WDPCP: variants seen among roughly 807,000 people sequenced by gnomAD.
WDPCP encodes the protein WD repeat containing planar cell polarity effector.
WDPCP carries 71 observed loss-of-function variants against 93.1 expected under a neutral mutation model. That is an observed-to-expected ratio of 0.76 (90% CI 0.63 to 0.93). The LOEUF is 0.93. Among genes scored for constraint, WDPCP ranks in the 40% least tolerant of loss-of-function variants. The probability of loss-of-function intolerance (pLI) is 0.00; values close to 1 mark genes in which losing one functional copy is unlikely to be tolerated. For missense variants in WDPCP, 844 were observed against 887.4 expected (o/e 0.95, Z 0.62); for synonymous variants, 315 against 315.0 (o/e 1.00, Z 0.00).
chr2:63,557,240 A>G (rs1706199494), intron 1 of WDPCP, among the ~76,000 whole-genome samples: 1 of 152,320 alleles, frequency 6.6e-6, no homozygotes, highest in East Asian at 1.9e-4. Flanking sequence ...TCAAGACCCC[A>G]ACAGTGTGCT....
At chr2:63,242,847 A>G (rs1242633157) in intron 14 of WDPCP, among the ~76,000 whole-genome samples, 1 of 152,158 alleles carries the variant, frequency 6.6e-6, no homozygotes, top group Non-Finnish European at 1.5e-5. Context: ...AGATAGGACT[A>G]TGCCTGCCTC....
chr2:63,189,450 A>G (rs59398228), intron 14 of WDPCP, among the ~76,000 whole-genome samples: 27 of 152,308 alleles, frequency 1.8e-4, no homozygotes, highest in African/African-American at 5.5e-4. Context: ...TCACAAAGCT[A>G]TTTTTATGTA....
At chr2:63,514,283 G>A (rs938678696) in intron 1 of WDPCP, among the ~76,000 whole-genome samples, 1 of 152,002 alleles carries the variant, frequency 6.6e-6, no homozygotes, top group Admixed American at 6.6e-5. Flanking sequence ...CTCCTACCAA[G>A]TTCACTCAGA....
chr2:63,307,835 A>T (rs969274895), intron 13 of WDPCP, among the ~76,000 whole-genome samples: 2 of 152,228 alleles, frequency 1.3e-5, no homozygotes, highest in Non-Finnish European at 2.9e-5. Context: ...CATGACTAAA[A>T]CATCAAAAGC....
intron 17 of WDPCP, among the ~76,000 whole-genome samples, chr2:63,145,659 G>C (rs1671444505): frequency 6.6e-6 from 1 of 152,152 alleles, no homozygotes; most frequent in Admixed American, 6.5e-5. Flanking sequence ...TGATGGGCTT[G>C]AAAACTTGTC....
intron 6 of WDPCP, among the ~76,000 whole-genome samples, chr2:63,448,967 G>T (rs964461552): frequency 2.0e-5 from 3 of 152,008 alleles, no homozygotes; most frequent in Non-Finnish European, 4.4e-5. Context: ...TAATAATAAT[G>T]TGTTGTATAT....
chr2:63,420,989 TC>T (rs1695817022), intron 9 of WDPCP, among the ~76,000 whole-genome samples: 3 of 152,226 alleles, frequency 2.0e-5, no homozygotes, highest in African/African-American at 7.2e-5. Context: ...TGTAGGACAC[TC>T]ACCTTCAATT....
At chr2:63,525,243 T>A (rs1351558354) in intron 1 of WDPCP, among the ~76,000 whole-genome samples, 1 of 152,106 alleles carries the variant, frequency 6.6e-6, no homozygotes, top group Non-Finnish European at 1.5e-5. Context: ...AAGGCCTACC[T>A]GAGGGTGGAG....
rs1441625522 is a variant in WDPCP at position 63,241,930 on chromosome 2, C to A, written c.1915+17377G>T. Among the ~76,000 whole-genome samples, 3 of 151,980 alleles carry A rather than the reference C, an allele frequency of 2.0e-5. No individual in the cohort carries two copies. In the East Asian group the frequency reaches 5.8e-4, roughly 29 times the overall value. ...TAATGCCATTTTAGGAAGAAGATAA[C>A]ATAAAAAATCAAGCTTTTGAATGAT... On this transcript the variant is annotated intron_variant, in intron 14 of 17. Coordinates refer to ENST00000272321, the MANE Select transcript of WDPCP (RefSeq NM_015910.7).
intron 12 of WDPCP, among the ~76,000 whole-genome samples, chr2:63,345,376 T>C (rs987360000): frequency 8.5e-5 from 13 of 152,184 alleles, no homozygotes; most frequent in African/African-American, 3.1e-4. Flanking sequence ...AGACTCCCAG[T>C]GCCCTTTCTG....
intron 17 of WDPCP, among the ~76,000 whole-genome samples, chr2:63,145,863 T>C (rs142522861): frequency 0.016 from 2,410 of 152,320 alleles, 140 homozygotes; most frequent in East Asian, 0.13. Context: ...TCCATTTGTT[T>C]GTGTCATCTC....
intron 2 of WDPCP, among the ~76,000 whole-genome samples, chr2:63,757,759 T>C (rs1669990923): frequency 6.6e-6 from 1 of 152,222 alleles, no homozygotes. Context: ...TATGTGTCAC[T>C]TTCAGGCAAA....
At chr2:63,444,965 G>A (rs892436462) in intron 6 of WDPCP, among the ~76,000 whole-genome samples, 1 of 152,084 alleles carries the variant, frequency 6.6e-6, no homozygotes, top group Non-Finnish European at 1.5e-5. Context: ...ACTCAGAAAT[G>A]ATTCTCACAA....
intron 3 of WDPCP, among the ~76,000 whole-genome samples, chr2:63,612,149 T>A (rs571518345): frequency 6.6e-6 from 1 of 152,214 alleles, no homozygotes; most frequent in African/African-American, 2.4e-5. Flanking sequence ...TTTTGAAGAA[T>A]AGACCAACTC....
chr2:63,318,253 A>T (rs536155113), intron 12 of WDPCP, among the ~76,000 whole-genome samples: 89 of 152,338 alleles, frequency 5.8e-4, no homozygotes, highest in African/African-American at 2.0e-3. Flanking sequence ...TATTATTAAA[A>T]AGTCAGAAAA....
intron 13 of WDPCP, among the ~76,000 whole-genome samples, chr2:63,268,649 T>G (rs1236133365): frequency 6.6e-6 from 1 of 151,914 alleles, no homozygotes; most frequent in East Asian, 1.9e-4. Context: ...TTTGTTTTTG[T>G]TTTTATTTTT....
At chr2:63,832,430 G>A (rs72891012), upstream of WDPCP, among the ~76,000 whole-genome samples, 1 of 146,940 alleles carries the variant, frequency 6.8e-6, no homozygotes, top group Non-Finnish European at 1.5e-5. Context: ...GTGTTGGGGT[G>A]GGGGGGGGAA....
chr2:63,253,831 T>C (rs1680928080), intron 14 of WDPCP, among the ~76,000 whole-genome samples: 1 of 152,152 alleles, frequency 6.6e-6, no homozygotes, highest in Non-Finnish European at 1.5e-5. Context: ...AGTCTGGAGA[T>C]TTCTCAAAAA....
At position 63,293,851 on chromosome 2, in the gene WDPCP, G is replaced by C. The variant is rs1251573632; in HGVS notation, c.1812+19397C>G. ...AAAAAAGACTGAAGAAAAGTGAATA[G>C]AGCCTAACGGACCTGAGACATACCA... On this transcript the variant is annotated intron_variant, in intron 13 of 17. Coordinates refer to ENST00000272321, the MANE Select transcript of WDPCP (RefSeq NM_015910.7). Among the ~76,000 whole-genome samples, 3 of 152,232 alleles carry C rather than the reference G, an allele frequency of 2.0e-5. No individual in the cohort carries two copies. In the East Asian group the frequency reaches 5.8e-4, roughly 29 times the overall value.
Sources: gnomAD v4.1 joint callset for allele counts (sites outside exome capture counted in the v4.1 genomes callset) on GRCh38, gnomAD v4.1.1 for gene constraint, MANE v1.5 for transcripts, NCBI Gene and HGNC (gene_info 2026-07-23, HGNC 2026-07-21) for gene names.